XRCC3: variants seen among roughly 807,000 people sequenced by gnomAD.
XRCC3 encodes the protein DNA repair protein XRCC3.
XRCC3 carries 34 observed loss-of-function variants against 29.2 expected under a neutral mutation model. The observed-to-expected ratio is 1.16, with a 90% CI of 0.88 to 1.55. XRCC3 has a LOEUF of 1.55. Among genes scored for constraint, XRCC3 ranks in the 40% most tolerant of loss-of-function variants. The probability of loss-of-function intolerance (pLI) is 0.00; values close to 1 mark genes in which losing one functional copy is unlikely to be tolerated. For synonymous variants in XRCC3, 223 were observed against 211.3 expected (o/e 1.06, Z -0.48); for missense variants, 463 against 467.6 (o/e 0.99, Z 0.09).
chr14:103,710,906 C>A, intron 4 of XRCC3, 127 bp downstream of exon 4: 1 of 865,564 alleles, frequency 1.2e-6, no homozygotes. Context: ...TAGTACATCC[C>A]GCCCTCGGTT....
At chr14:103,708,391 G>T in intron 5 of XRCC3, 131 bp downstream of exon 5, 1 of 1,361,046 alleles carries the variant, frequency 7.3e-7, no homozygotes, top group Non-Finnish European at 1.0e-6. Flanking sequence ...GGAACTCTGG[G>T]GCTGGAGCAG....
Position 103,703,322 on chromosome 14 carries a change from C to T in XRCC3, c.412G>A (p.Val138Ile), listed in dbSNP as rs146507354. Reference protein sequence around the residue: ...RQHGGLEAGAVYICTEDAFPH... With the variant: ...RQHGGLEAGAIYICTEDAFPH... The stretch of plus-strand genomic sequence containing the variant: ...AAGGCGTCTTCCGTGCAGATGTAGA[C>T]GGCTCCTGGGAAGCAAGAGTGCCTG... Residue 138 changes from valine to isoleucine, a missense_variant, in exon 7 of 10, where the codon GTC becomes ATC. Coordinates refer to ENST00000555055, the MANE Select transcript of XRCC3 (RefSeq NM_005432.4). 33 of 1,549,212 alleles carry T rather than the reference C, an allele frequency of 2.1e-5. No individual in the cohort carries two copies. The highest frequency in any genetic ancestry group is 3.3e-4 in the Middle Eastern group (2 of 6,012).
At chr14:103,701,196 TG>T (rs778213349) in intron 7 of XRCC3, 1 of 1,550,914 alleles carries the variant, frequency 6.4e-7, no homozygotes. Context: ...TATCTTCTCT[TG>T]CAGTGACCCC....
chr14:103,703,213 C>T lies in XRCC3; in HGVS notation c.521G>A (p.Arg174Gln), dbSNP rs768580716. 6.4e-6 allele frequency: 10 copies of T among 1,569,738 alleles called. No individual in the cohort carries two copies. The highest frequency in any genetic ancestry group is 8.6e-6 in the Non-Finnish European group (10 of 1,157,316). The part of the protein sequence containing the change: ...DVPGELLQKL[R>Q]FGSQIFIEHV... ...CTCGATGAAGATCTGGCTGCCAAAT[C>T]GGAGCTTCTGAAGCAGCTCTCCTGG... The change falls in exon 7 of 10, where the codon CGA becomes CAA. Residue 174 changes from arginine to glutamine, a missense_variant. Transcript: ENST00000555055.
chr14:103,702,132 A>G (rs1332441407), intron 7 of XRCC3: 2 of 152,506 alleles, frequency 1.3e-5, no homozygotes, highest in East Asian at 1.9e-4. Context: ...AGCTGCAGGG[A>G]TGGGTCCCAG....
intron 1 of XRCC3, among the ~76,000 whole-genome samples, chr14:103,714,668 A>T (rs576415694): frequency 6.6e-6 from 1 of 152,146 alleles, no homozygotes; most frequent in Middle Eastern, 3.4e-3. Flanking sequence ...GGATGAACAA[A>T]CATTTTCTTC....
intron 5 of XRCC3, 118 bp downstream of exon 5, chr14:103,708,404 G>T: frequency 1.4e-6 from 2 of 1,460,962 alleles, no homozygotes; most frequent in Non-Finnish European, 9.4e-7. Flanking sequence ...TGGAGCAGCT[G>T]CCACACGCCC....
chr14:103,701,801 GA>G (rs1213677953), intron 7 of XRCC3: 1 of 151,784 alleles, frequency 6.6e-6, no homozygotes. Flanking sequence ...GTGAACCCGG[GA>G]GGTGGAGCTT....
Position 103,698,808 on chromosome 14 carries a change from TG to T in XRCC3, c.1030del (p.Gln344SerfsTer25). 1 of 1,598,798 alleles carries T rather than the reference TG, an allele frequency of 6.3e-7. No individual in the cohort carries two copies. Reference sequence around the variant, plus strand: ...GCAGCCGCCACCGTGTCAGTGGGACTGGGTCCCAGGTGTCCCTCGCACCCCT... The same window carrying T: ...GCAGCCGCCACCGTGTCAGTGGGACTGGTCCCAGGTGTCCCTCGCACCCCT... ...AEGVRGTPGTQSH is the reference protein window; with the variant it reads ...AEGVRGTPGTXSH On this transcript the variant is annotated frameshift_variant, in exon 10 of 10. Coordinates refer to ENST00000555055, the MANE Select transcript of XRCC3 (RefSeq NM_005432.4). LOFTEE classifies it high-confidence loss of function.
At chr14:103,701,636 A>T (rs1333509494) in intron 7 of XRCC3, 1 of 156,490 alleles carries the variant, frequency 6.4e-6, no homozygotes, top group Non-Finnish European at 1.4e-5. Context: ...GCACTTTGGG[A>T]GGCCGAGGTG....
At chr14:103,709,025 C>T (rs138237026) in intron 4 of XRCC3, 8 of 357,212 alleles carry the variant, frequency 2.2e-5, no homozygotes, top group African/African-American at 1.7e-4. Context: ...AGACAGTGCT[C>T]CAGAAGGGGG....
At chr14:103,700,389 T>C (rs749996347) in intron 7 of XRCC3, 1 of 416,646 alleles carries the variant, frequency 2.4e-6, no homozygotes, top group Non-Finnish European at 4.3e-6. Flanking sequence ...GCCATTGGCA[T>C]GGCTGGCCTG....
intron 7 of XRCC3, chr14:103,702,333 C>G (rs1316232793): frequency 6.6e-6 from 1 of 152,364 alleles, no homozygotes; most frequent in Non-Finnish European, 1.5e-5. Context: ...AGGCCTTGGC[C>G]AGGTGGAGCC....
At chr14:103,715,168 C>G (rs1339875816) in intron 1 of XRCC3, among the ~76,000 whole-genome samples, 1 of 152,116 alleles carries the variant, frequency 6.6e-6, no homozygotes, top group Non-Finnish European at 1.5e-5. Flanking sequence ...CCCCGGAGAC[C>G]GCCTTCCCCG....
chr14:103,700,434 T>G, intron 7 of XRCC3: 8 of 466,038 alleles, frequency 1.7e-5, no homozygotes, highest in East Asian at 7.4e-5. Flanking sequence ...GCCATGGTGA[T>G]GGGGGAGGGT....
chr14:103,699,039 A>AGCTG, intron 9 of XRCC3, 22 bp from the exon 10 acceptor site: 1 of 1,571,696 alleles, frequency 6.4e-7, no homozygotes, highest in Non-Finnish European at 8.6e-7. Flanking sequence ...GAAGCAGGCA[A>AGCTG]GCTGGCGCTC....
At chr14:103,708,302 C>G in intron 5 of XRCC3, 1 of 659,974 alleles carries the variant, frequency 1.5e-6, no homozygotes, top group Non-Finnish European at 2.6e-6. Flanking sequence ...CCAGGAGGTC[C>G]CACAGCCCGT....
intron 7 of XRCC3, chr14:103,700,586 C>A (rs371505686): frequency 7.7e-7 from 1 of 1,302,164 alleles, no homozygotes; most frequent in South Asian, 1.2e-5. Flanking sequence ...GTGTCACGCC[C>A]GGAGCTCTGA....
chr14:103,701,468 A>G (rs950634337), intron 7 of XRCC3: 3 of 431,940 alleles, frequency 6.9e-6, no homozygotes, highest in African/African-American at 6.0e-5. Flanking sequence ...CTCCCTTCCC[A>G]TGTGTAACTT....
Sources: allele counts gnomAD v4.1 joint callset (sites outside exome capture counted in the v4.1 genomes callset), GRCh38; gene constraint gnomAD v4.1.1; transcripts MANE v1.5; gene names NCBI Gene and HGNC (gene_info 2026-07-23, HGNC 2026-07-21).